COL10A1: variants seen among roughly 807,000 people sequenced by gnomAD.
COL10A1 encodes the protein collagen type X alpha 1 chain, also known as collagen alpha-1(X) chain.
A neutral mutation model predicts 18.2 loss-of-function variants in COL10A1; 10 were observed. The observed-to-expected ratio is 0.55, with a 90% CI of 0.34 to 0.93. COL10A1 has a LOEUF of 0.93. COL10A1 is among the 40% of genes least tolerant of loss of function. COL10A1 has a pLI of 0.02. For missense variants in COL10A1, 897 were observed against 853.5 expected (o/e 1.05, Z -0.64); for synonymous variants, 330 against 316.6 (o/e 1.04, Z -0.45).
At chr6:116,151,152 T>G (rs936617855) in intron 1 of COL10A1, among the ~76,000 whole-genome samples, 12 of 152,166 alleles carry the variant, frequency 7.9e-5, no homozygotes, top group Non-Finnish European at 1.6e-4. Context: ...TCTTTTTGCT[T>G]CCGGGCAGCT....
chr6:116,134,185 T>G (rs1779534206), intron 1 of COL10A1, among the ~76,000 whole-genome samples: 1 of 152,202 alleles, frequency 6.6e-6, no homozygotes, highest in South Asian at 2.1e-4. Flanking sequence ...GAGGTAAATA[T>G]CTCTGATATT....
chr6:116,166,163 A>G, the COL10A1 span, among the ~76,000 whole-genome samples: 1 of 152,102 alleles, frequency 6.6e-6, no homozygotes, highest in African/African-American at 2.4e-5. Flanking sequence ...TCGGGAGTCA[A>G]TCTCTGCGAG....
At chr6:116,163,808 T>A in the COL10A1 span, among the ~76,000 whole-genome samples, 1 of 152,230 alleles carries the variant, frequency 6.6e-6, no homozygotes, top group Non-Finnish European at 1.5e-5. Flanking sequence ...ATATGTTACA[T>A]GTCTATATTC....
chr6:116,192,294 T>C, the COL10A1 span, among the ~76,000 whole-genome samples: 1 of 152,008 alleles, frequency 6.6e-6, no homozygotes, highest in Non-Finnish European at 1.5e-5. Flanking sequence ...TAATACATAG[T>C]GAGGAGCTCT....
chr6:116,214,302 T>A, the COL10A1 span, among the ~76,000 whole-genome samples: 1 of 152,074 alleles, frequency 6.6e-6, no homozygotes, highest in African/African-American at 2.4e-5. Context: ...ATCCTTCTTA[T>A]AAAGGAAATA....
the COL10A1 span, among the ~76,000 whole-genome samples, chr6:116,171,941 A>C: frequency 6.6e-6 from 1 of 152,196 alleles, no homozygotes; most frequent in Admixed American, 6.5e-5. Flanking sequence ...TGCTTTGCTT[A>C]GTGGATAGGA....
intron 1 of COL10A1, among the ~76,000 whole-genome samples, chr6:116,154,817 C>T (rs1780143433): frequency 6.6e-6 from 1 of 152,156 alleles, no homozygotes; most frequent in African/African-American, 2.4e-5. Context: ...TTAGCAGAGG[C>T]ATCTTGTTAC....
intron 1 of COL10A1, among the ~76,000 whole-genome samples, chr6:116,153,639 A>G (rs1489647081): frequency 6.6e-6 from 1 of 152,120 alleles, no homozygotes; most frequent in Non-Finnish European, 1.5e-5. Flanking sequence ...AGAAATAGAA[A>G]AGTTGCATAT....
intron 1 of COL10A1, among the ~76,000 whole-genome samples, chr6:116,143,011 T>C (rs1186487918): frequency 6.6e-6 from 1 of 152,210 alleles, no homozygotes; most frequent in Non-Finnish European, 1.5e-5. Flanking sequence ...GTTTGTGTCT[T>C]ATTTGGAAGA....
the COL10A1 span, among the ~76,000 whole-genome samples, chr6:116,165,088 C>T: frequency 8.7e-6 from 1 of 115,274 alleles, no homozygotes; most frequent in Non-Finnish European, 1.7e-5. Flanking sequence ...CAGAGCGAGA[C>T]TCCGTCTCAG....
At chr6:116,188,522 A>T in the COL10A1 span, among the ~76,000 whole-genome samples, 1 of 151,954 alleles carries the variant, frequency 6.6e-6, no homozygotes, top group South Asian at 2.1e-4. Flanking sequence ...GAGAGAGAAA[A>T]AGCCAGTAAT....
chr6:116,131,638 A>T (rs1169750112), intron 1 of COL10A1, among the ~76,000 whole-genome samples: 1 of 152,176 alleles, frequency 6.6e-6, no homozygotes, highest in East Asian at 1.9e-4. Flanking sequence ...ATAGGTGGAC[A>T]TCTGTGTTAT....
upstream of COL10A1, among the ~76,000 whole-genome samples, chr6:116,160,440 G>A (rs190424309): frequency 5.3e-5 from 8 of 151,710 alleles, no homozygotes; most frequent in Non-Finnish European, 7.4e-5. Context: ...GTTCATATCC[G>A]TTTGTCTACT....
At chr6:116,201,828 A>G in the COL10A1 span, among the ~76,000 whole-genome samples, 1 of 151,952 alleles carries the variant, frequency 6.6e-6, no homozygotes, top group Non-Finnish European at 1.5e-5. Flanking sequence ...TCATGATTAT[A>G]ATTATTGCCT....
At chr6:116,196,481 G>A in the COL10A1 span, among the ~76,000 whole-genome samples, 4 of 151,594 alleles carry the variant, frequency 2.6e-5, no homozygotes, top group Admixed American at 1.3e-4. Flanking sequence ...GTTTGATCTA[G>A]GGAAAAAAAA....
the COL10A1 span, among the ~76,000 whole-genome samples, chr6:116,173,384 G>T: frequency 6.6e-6 from 1 of 152,194 alleles, no homozygotes; most frequent in African/African-American, 2.4e-5. Context: ...CCCATCTGGG[G>T]TGGGAAAACA....
chr6:116,196,854 C>T, the COL10A1 span, among the ~76,000 whole-genome samples: 10 of 151,878 alleles, frequency 6.6e-5, 1 homozygote, highest in Admixed American at 4.6e-4. Context: ...AGGCACCGTT[C>T]TTCATTAGAC....
the COL10A1 span, among the ~76,000 whole-genome samples, chr6:116,195,416 T>A: frequency 6.6e-6 from 1 of 152,040 alleles, no homozygotes; most frequent in East Asian, 1.9e-4. Context: ...ACTTTTTTTT[T>A]ATTCAAGAGG....
At chr6:116,155,384 C>T (rs1452189509) in intron 1 of COL10A1, among the ~76,000 whole-genome samples, 3 of 152,152 alleles carry the variant, frequency 2.0e-5, no homozygotes, top group Non-Finnish European at 2.9e-5. Flanking sequence ...TTTTGTCACT[C>T]GCCAACACAA....
Sources: gnomAD v4.1 joint callset for allele counts (sites outside exome capture counted in the v4.1 genomes callset) on GRCh38, gnomAD v4.1.1 for gene constraint, MANE v1.5 for transcripts, NCBI Gene and HGNC (gene_info 2026-07-23, HGNC 2026-07-21) for gene names.